Variants in WDR70 observed in about 807,000 individuals in gnomAD.
The protein encoded by WDR70 is WD repeat domain 70.
A neutral mutation model predicts 88.6 loss-of-function variants in WDR70; 53 were observed. The observed-to-expected ratio is 0.60, with a 90% CI of 0.48 to 0.75. The LOEUF (loss-of-function observed/expected upper bound fraction) is 0.75, where lower values mean the gene tolerates loss of function less well. Ranked by LOEUF, WDR70 falls within the 30% of genes least tolerant of loss-of-function variation. The pLI is 0.00. For missense variants in WDR70, 610 were observed against 823.2 expected, an observed-to-expected ratio of 0.74 and a Z score of 3.17; for synonymous variants, 280 against 270.0, an observed-to-expected ratio of 1.04 and a Z score of -0.36.
At chr5:37,616,529 A>C (rs1744348570) in intron 10 of WDR70, among the ~76,000 whole-genome samples, 1 of 152,132 alleles carries the variant, frequency 6.6e-6, no homozygotes, top group Admixed American at 6.5e-5. Flanking sequence ...CTCTCCCACA[A>C]GCCCCCCGCT....
chr5:37,438,593 A>G (rs1750554249), intron 6 of WDR70, among the ~76,000 whole-genome samples: 1 of 152,136 alleles, frequency 6.6e-6, no homozygotes, highest in South Asian at 2.1e-4. Context: ...ATATGAAATG[A>G]AAAAAATTAT....
At chr5:37,677,914 T>A (rs544594998) in intron 10 of WDR70, among the ~76,000 whole-genome samples, 1 of 152,344 alleles carries the variant, frequency 6.6e-6, no homozygotes, top group South Asian at 2.1e-4. Flanking sequence ...ATCTGGGTGC[T>A]CCTGTATTGG....
chr5:37,414,926 G>GCGGCCCTC (rs1749651936), intron 5 of WDR70, among the ~76,000 whole-genome samples: 1 of 136,126 alleles, frequency 7.3e-6, no homozygotes, highest in African/African-American at 3.7e-5. Context: ...AGAGGACCCT[G>GCGGCCCTC]CGGCCTTCCG....
chr5:37,546,679 G>A (rs1047406993), intron 9 of WDR70, among the ~76,000 whole-genome samples: 1 of 152,190 alleles, frequency 6.6e-6, no homozygotes, highest in Non-Finnish European at 1.5e-5. Flanking sequence ...AGGACTTTGG[G>A]AGGCTGAGGC....
chr5:37,463,741 G>C (rs1008534110), intron 7 of WDR70, among the ~76,000 whole-genome samples: 2 of 152,152 alleles, frequency 1.3e-5, no homozygotes, highest in African/African-American at 4.8e-5. Flanking sequence ...AATTTGAGGA[G>C]CAGATGTTAT....
At chr5:37,750,696 A>G (rs1748778239) in intron 17 of WDR70, among the ~76,000 whole-genome samples, 1 of 152,034 alleles carries the variant, frequency 6.6e-6, no homozygotes, top group South Asian at 2.1e-4. Context: ...TACAAAGGAC[A>G]GTTCCCCTGC....
intron 5 of WDR70, among the ~76,000 whole-genome samples, chr5:37,429,370 GT>G (rs966153781): frequency 4.0e-5 from 6 of 151,008 alleles, no homozygotes; most frequent in South Asian, 2.1e-4. Flanking sequence ...AAATATGTCA[GT>G]TTTTTTTTCT....
At chr5:37,668,690 A>T (rs1341354420) in intron 10 of WDR70, among the ~76,000 whole-genome samples, 3 of 152,160 alleles carry the variant, frequency 2.0e-5, no homozygotes, top group Admixed American at 1.3e-4. Flanking sequence ...CACACATCTA[A>T]GTGGTTGAGC....
At chr5:37,449,590 C>CAAAAAAAA (rs376148041) in intron 7 of WDR70, among the ~76,000 whole-genome samples, 9 of 85,736 alleles carry the variant, frequency 1.0e-4, no homozygotes, top group African/African-American at 3.4e-4. Context: ...AATTTTGTCT[C>CAAAAAAAA]AAAAAAAAAA....
intron 5 of WDR70, among the ~76,000 whole-genome samples, chr5:37,437,661 A>G (rs551579822): frequency 6.6e-6 from 1 of 152,136 alleles, no homozygotes; most frequent in Non-Finnish European, 1.5e-5. Context: ...TGACAATAAG[A>G]GATAATTTTA....
intron 10 of WDR70, among the ~76,000 whole-genome samples, chr5:37,669,033 G>T (rs575697692): frequency 5.9e-5 from 9 of 152,204 alleles, no homozygotes; most frequent in Non-Finnish European, 8.8e-5. Context: ...CCATTTTGGT[G>T]CCCTCCAAAA....
At chr5:37,532,406 T>C (rs1741523991) in intron 9 of WDR70, among the ~76,000 whole-genome samples, 1 of 152,180 alleles carries the variant, frequency 6.6e-6, no homozygotes, top group South Asian at 2.1e-4. Context: ...TATTTTTAGG[T>C]TTGTTTGTTT....
At chr5:37,480,772 G>A (rs1459449788) in intron 8 of WDR70, among the ~76,000 whole-genome samples, 1 of 152,048 alleles carries the variant, frequency 6.6e-6, no homozygotes, top group Non-Finnish European at 1.5e-5. Flanking sequence ...AACCAATCAT[G>A]CCTTCCCCAA....
chr5:37,750,918 A>C (rs1434611790), intron 17 of WDR70, among the ~76,000 whole-genome samples: 1 of 152,230 alleles, frequency 6.6e-6, no homozygotes, highest in East Asian at 1.9e-4. Context: ...TTTGGACTCT[A>C]CATTTCTTCC....
At chr5:37,546,956 A>C (rs1438459315) in intron 9 of WDR70, among the ~76,000 whole-genome samples, 1 of 152,128 alleles carries the variant, frequency 6.6e-6, no homozygotes, top group African/African-American at 2.4e-5. Context: ...TTTTTAAAGA[A>C]GAATGTAGAA....
chr5:37,406,309 T>C (rs915716486), intron 5 of WDR70, among the ~76,000 whole-genome samples: 1 of 152,214 alleles, frequency 6.6e-6, no homozygotes, highest in African/African-American at 2.4e-5. Flanking sequence ...CTGTCTCCAT[T>C]ACTACCACTT....
Position 37,734,564 on chromosome 5 carries a change from A to T in WDR70, c.1877+7519A>T, listed in dbSNP as rs1047953765. Among the ~76,000 whole-genome samples, 4 of 152,258 alleles carry T rather than the reference A, an allele frequency of 2.6e-5. No homozygotes were observed. In the South Asian group the frequency reaches 8.3e-4, roughly 32 times the overall value. On this transcript the variant is annotated intron_variant, in intron 17 of 17. Transcript: ENST00000265107. ...ATAATGCTAAGAAGAAAACTAAAAG[A>T]GGGATATATCCCTTTTATAAAAAGA... is the stretch of plus-strand genomic sequence containing the variant.
intron 10 of WDR70, among the ~76,000 whole-genome samples, chr5:37,608,320 G>C (rs909124634): frequency 1.3e-5 from 2 of 151,986 alleles, no homozygotes. Context: ...GATTACAGGC[G>C]TGAGCCACCA....
At chr5:37,429,727 T>C (rs1316681167) in intron 5 of WDR70, among the ~76,000 whole-genome samples, 4 of 152,244 alleles carry the variant, frequency 2.6e-5, no homozygotes, top group Non-Finnish European at 5.9e-5. Context: ...TCTCAGTTAC[T>C]GTAGCTCAGT....
Sources: gnomAD v4.1 joint callset for allele counts (sites outside exome capture counted in the v4.1 genomes callset) on GRCh38, gnomAD v4.1.1 for gene constraint, MANE v1.5 for transcripts, NCBI Gene and HGNC (gene_info 2026-07-23, HGNC 2026-07-21) for gene names.